IL1R1: variants seen among roughly 807,000 people sequenced by gnomAD.
The protein encoded by IL1R1 is interleukin 1 receptor type 1.
A neutral mutation model predicts 50.2 loss-of-function variants in IL1R1; 22 were observed. The ratio of observed to expected loss-of-function variants is 0.44; its 90% CI spans 0.31 to 0.63. The LOEUF (loss-of-function observed/expected upper bound fraction) is 0.63, where lower values mean the gene tolerates loss of function less well. Ranked by LOEUF, IL1R1 falls within the 20% of genes least tolerant of loss-of-function variation. The pLI is 0.07. For missense variants in IL1R1, 509 were observed against 676.2 expected, an observed-to-expected ratio of 0.75 and a Z score of 2.74; for synonymous variants, 251 against 236.7, an observed-to-expected ratio of 1.06 and a Z score of -0.55.
chr2:102,144,378 C>G (rs1242985738), intron 1 of IL1R1, among the ~76,000 whole-genome samples: 2 of 152,144 alleles, frequency 1.3e-5, no homozygotes, highest in Non-Finnish European at 2.9e-5. Flanking sequence ...GATATTTGAT[C>G]TGAATTCTCA....
intron 1 of IL1R1, among the ~76,000 whole-genome samples, chr2:102,123,777 TAATAAAATAA>T (rs57287555): frequency 0.22 from 33,448 of 148,988 alleles, 4,140 homozygotes; most frequent in African/African-American, 0.31. Context: ...GACTGTGTCT[TAATAAAATAA>T]AATAAAATAA....
intron 1 of IL1R1, among the ~76,000 whole-genome samples, chr2:102,107,558 G>A (rs1419312488): frequency 1.3e-5 from 2 of 152,022 alleles, no homozygotes; most frequent in Admixed American, 1.3e-4. Context: ...AAGTTAACAG[G>A]TGCAGCACAC....
rs200518433 is a variant in IL1R1 at position 102,176,807 on chromosome 2, G to C, written c.*48G>C. 6.4e-7 allele frequency: 1 copy of C among 1,565,392 alleles called. No homozygotes were observed. Among genetic ancestry groups the C allele is most frequent in the African/African-American group, 1.4e-5 (1 of 73,780 alleles). On this transcript the variant is annotated 3_prime_UTR_variant, in exon 12 of 12. Coordinates refer to ENST00000410023, the MANE Select transcript of IL1R1 (RefSeq NM_000877.4). ...CTTTAGGTGCCTCCTGTCTTATGGCGTTGCAGGCCAGGTTATGCCTCATGC... is the reference window on the plus strand; with the variant it reads ...CTTTAGGTGCCTCCTGTCTTATGGCCTTGCAGGCCAGGTTATGCCTCATGC...
intron 3 of IL1R1, among the ~76,000 whole-genome samples, chr2:102,161,737 T>C (rs572381634): frequency 6.6e-6 from 1 of 152,282 alleles, no homozygotes; most frequent in East Asian, 1.9e-4. Context: ...TCTCTCTGTG[T>C]CACCCAGGCT....
At chr2:102,089,938 A>G (rs1365773839) in intron 1 of IL1R1, among the ~76,000 whole-genome samples, 2 of 148,858 alleles carry the variant, frequency 1.3e-5, no homozygotes, top group African/African-American at 5.0e-5. Flanking sequence ...GGTTCACGCC[A>G]TTCTCCTGCC....
At chr2:102,114,959 A>G (rs1023251036) in intron 1 of IL1R1, among the ~76,000 whole-genome samples, 11 of 152,310 alleles carry the variant, frequency 7.2e-5, no homozygotes, top group Middle Eastern at 6.8e-3. Context: ...TCAGTGCTGA[A>G]AATGGACATT....
In IL1R1 at chr2:102,175,528, G is replaced by A. The variant is rs757743834; in HGVS notation, c.1186G>A (p.Gly396Arg). The change falls in exon 11 of 12, where the codon GGG becomes AGG. Residue 396 changes from glycine to arginine, a missense_variant. Gly to Arg is a moderately radical substitution (Grantham distance 125). Coordinates refer to ENST00000410023, the MANE Select transcript of IL1R1 (RefSeq NM_000877.4). ...DAYILYPKTV[G>R]EGSTSDCDIF... ...ATATATACTGTATCCAAAGACTGTT[G>A]GGGAAGGGTCTACCTCTGACTGTGA... The A allele has an allele frequency of 6.2e-7, 1 of 1,613,480 alleles. No homozygotes were observed. Among genetic ancestry groups the A allele is most frequent in the South Asian group, 1.1e-5 (1 of 91,062 alleles).
At chr2:102,170,420 G>GA (rs1042862828) in intron 7 of IL1R1, among the ~76,000 whole-genome samples, 1 of 151,846 alleles carries the variant, frequency 6.6e-6, no homozygotes, top group Non-Finnish European at 1.5e-5. Flanking sequence ...GCAATTGAAG[G>GA]AAAAAAACAA....
intron 1 of IL1R1, among the ~76,000 whole-genome samples, chr2:102,131,484 G>A (rs938346204): frequency 8.5e-5 from 13 of 152,108 alleles, no homozygotes; most frequent in Admixed American, 4.6e-4. Context: ...CATAAACACA[G>A]AGGTAAGTAG....
intron 1 of IL1R1, among the ~76,000 whole-genome samples, chr2:102,106,298 T>C (rs765611534): frequency 6.6e-5 from 10 of 152,104 alleles, no homozygotes; most frequent in Non-Finnish European, 8.8e-5. Flanking sequence ...TTACTATAAA[T>C]GTGTTGATCT....
At chr2:102,094,432 TA>T (rs1252367895) in intron 1 of IL1R1, among the ~76,000 whole-genome samples, 1 of 152,204 alleles carries the variant, frequency 6.6e-6, no homozygotes, top group Non-Finnish European at 1.5e-5. Context: ...GTCAAAGTTT[TA>T]ACACAGAAGC....
chr2:102,093,939 G>A (rs1679792120), intron 1 of IL1R1, among the ~76,000 whole-genome samples: 2 of 152,210 alleles, frequency 1.3e-5, no homozygotes, highest in African/African-American at 4.8e-5. Flanking sequence ...GCCACGCCCG[G>A]TTCCAGAACC....
intron 1 of IL1R1, among the ~76,000 whole-genome samples, chr2:102,078,239 A>G (rs1213574352): frequency 1.3e-5 from 2 of 152,086 alleles, no homozygotes; most frequent in Non-Finnish European, 2.9e-5. Flanking sequence ...AATGGGGAAT[A>G]GAAAAAAATA....
intron 1 of IL1R1, among the ~76,000 whole-genome samples, chr2:102,109,265 TG>T (rs1680606544): frequency 1.3e-5 from 2 of 152,158 alleles, no homozygotes; most frequent in Non-Finnish European, 2.9e-5. Flanking sequence ...GCTGTTTATT[TG>T]GGTATATGAC....
chr2:102,075,015 G>T (rs560077358), intron 1 of IL1R1, among the ~76,000 whole-genome samples: 1 of 151,820 alleles, frequency 6.6e-6, no homozygotes. Context: ...ACATATAAAC[G>T]TGTGTTATGC....
intron 1 of IL1R1, among the ~76,000 whole-genome samples, chr2:102,093,962 G>A (rs189714357): frequency 6.6e-6 from 1 of 152,178 alleles, no homozygotes; most frequent in Admixed American, 6.5e-5. Flanking sequence ...CCTCCGTCCT[G>A]AGCTTCACCT....
chr2:102,106,898 T>C (rs892421044), intron 1 of IL1R1, among the ~76,000 whole-genome samples: 1 of 152,140 alleles, frequency 6.6e-6, no homozygotes, highest in Admixed American at 6.5e-5. Context: ...GTACTACAAC[T>C]ATGTTCTTCT....
intron 3 of IL1R1, 84 bp from the exon 4 acceptor site, chr2:102,164,690 T>C: frequency 2.5e-6 from 2 of 806,806 alleles, no homozygotes; most frequent in Admixed American, 2.4e-5. Flanking sequence ...TATTTAATAA[T>C]CAATGTGTTT....
intron 1 of IL1R1, among the ~76,000 whole-genome samples, chr2:102,075,120 A>G (rs1678905248): frequency 6.6e-6 from 1 of 152,210 alleles, no homozygotes; most frequent in South Asian, 2.1e-4. Flanking sequence ...TTAATCAGTT[A>G]TGTGACATCC....
Sources: allele counts gnomAD v4.1 joint callset (sites outside exome capture counted in the v4.1 genomes callset), GRCh38; gene constraint gnomAD v4.1.1; transcripts MANE v1.5; gene names NCBI Gene and HGNC (gene_info 2026-07-23, HGNC 2026-07-21).